KCNQ1: variants seen among roughly 807,000 people sequenced by gnomAD.
KCNQ1 encodes the protein potassium voltage-gated channel subfamily Q member 1.
In KCNQ1, 49 loss-of-function variants were observed where a neutral mutation model predicts 72.4. The ratio of observed to expected loss-of-function variants is 0.68; its 90% CI spans 0.54 to 0.86. KCNQ1 has a LOEUF of 0.86. Ranked by LOEUF, KCNQ1 falls within the 40% of genes least tolerant of loss-of-function variation. The probability of loss-of-function intolerance (pLI) is 0.00; values close to 1 mark genes in which losing one functional copy is unlikely to be tolerated. For synonymous variants in KCNQ1, 450 were observed against 412.6 expected (o/e 1.09, Z -1.10); for missense variants, 790 against 945.1 (o/e 0.84, Z 2.15).
chr11:2,796,966 C>A (rs1012594514), intron 15 of KCNQ1, among the ~76,000 whole-genome samples: 1 of 152,242 alleles, frequency 6.6e-6, no homozygotes, highest in Admixed American at 6.5e-5. Flanking sequence ...CCTAACCCCC[C>A]AAGGGCCAGA....
chr11:2,597,921 C>T (rs752930997), intron 10 of KCNQ1, among the ~76,000 whole-genome samples: 8 of 152,060 alleles, frequency 5.3e-5, no homozygotes, highest in Admixed American at 6.5e-5. Context: ...ATCATCTCTT[C>T]GTTTTTCTTT....
rs1386881470 is a variant in KCNQ1 at position 2,611,855 on chromosome 11, G to C, written c.1393+23001G>C. On this transcript the variant is annotated intron_variant, in intron 10 of 15. Transcript: ENST00000155840. The surrounding 1 kb of genome is among the most constrained non-coding windows in gnomAD (Gnocchi z 5.3). ...TCTAGAGTACCATTCTAATTCCTTT[G>C]TTAGTTTATTTCCCCCATTTTTAAA... is the stretch of plus-strand genomic sequence containing the variant. The C allele has an allele frequency of 1.0e-5, 4 of 398,128 alleles. No individual in the cohort carries two copies. The highest frequency in any genetic ancestry group is 1.8e-5 in the Non-Finnish European group (4 of 225,966). 24.7% of individuals were successfully genotyped at this position (398,128 alleles called of 1,614,324 possible).
In KCNQ1 at chr11:2,543,527, G is replaced by T. The variant is rs1847858310; in HGVS notation, c.477+15509G>T. Among the ~76,000 whole-genome samples, 1 of 152,148 alleles carries T rather than the reference G, an allele frequency of 6.6e-6. No homozygotes were observed. The highest frequency in any genetic ancestry group is 1.5e-5 in the Non-Finnish European group (1 of 68,030). On this transcript the variant is annotated intron_variant, in intron 2 of 15. Coordinates refer to ENST00000155840, the MANE Select transcript of KCNQ1 (RefSeq NM_000218.3). The surrounding 1 kb of genome is among the most constrained non-coding windows in gnomAD (Gnocchi z 5.6). The stretch of plus-strand genomic sequence containing the variant: ...GGCCTCAAGCGATCCCCTTGCCTCG[G>T]CCTCCCAAAGCGCTGGAATTACAGG...
intron 11 of KCNQ1, among the ~76,000 whole-genome samples, chr11:2,757,758 G>A (rs187162028): frequency 8.5e-4 from 129 of 152,298 alleles, no homozygotes; most frequent in Admixed American, 2.3e-3. Flanking sequence ...ATAGACACAC[G>A]CAAACATGCC....
At position 2,764,294 on chromosome 11, in the gene KCNQ1, C is replaced by A. The variant is rs953379724; in HGVS notation, c.1515-4550C>A. Among the ~76,000 whole-genome samples, 4 of 151,804 alleles carry A rather than the reference C, an allele frequency of 2.6e-5. No homozygotes were observed. Among genetic ancestry groups the A allele is most frequent in the Admixed American group, 6.6e-5 (1 of 15,238 alleles). On this transcript the variant is annotated intron_variant, in intron 11 of 15. Transcript: ENST00000155840. This position sits in a 1 kb window ranked among gnomAD's most constrained non-coding sequence, Gnocchi z 4.8. The stretch of plus-strand genomic sequence containing the variant: ...TCTCGCTTTATCAAATGCTTTCTTA[C>A]AATCTGTTGTGTTGATTGTATTTTT...
chr11:2,499,526 G>A (rs4930116), intron 1 of KCNQ1, among the ~76,000 whole-genome samples: 7 of 57,324 alleles, frequency 1.2e-4, no homozygotes, highest in African/African-American at 2.7e-4. Flanking sequence ...ATGGACCCCT[G>A]CCCCCACAAA....
intron 9 of KCNQ1, 101 bp downstream of exon 9, chr11:2,587,793 T>C: frequency 6.6e-7 from 1 of 1,514,356 alleles, no homozygotes; most frequent in South Asian, 1.1e-5. Flanking sequence ...TGCATTTGGC[T>C]TGGTACAGCC....
rs1850328336 is a variant in KCNQ1 at position 2,678,316 on chromosome 11, A to G, written c.1514+16235A>G. On this transcript the variant is annotated intron_variant, in intron 11 of 15. Coordinates refer to ENST00000155840, the MANE Select transcript of KCNQ1 (RefSeq NM_000218.3). The surrounding 1 kb of genome is among the most constrained non-coding windows in gnomAD (Gnocchi z 4.9). ...TCCATGTTTTCTTCTATCATTTTTT[A>G]TTTCATTTTTTACATTTAAATCCTT... The G allele has an allele frequency of 2.5e-6, 1 of 398,150 alleles. No homozygotes were observed. The highest frequency in any genetic ancestry group is 4.4e-6 in the Non-Finnish European group (1 of 225,962). 24.7% of individuals were successfully genotyped at this position (398,150 alleles called of 1,614,324 possible).
intron 10 of KCNQ1, among the ~76,000 whole-genome samples, chr11:2,605,495 T>A (rs1325559109): frequency 6.6e-6 from 1 of 152,224 alleles, no homozygotes; most frequent in Admixed American, 6.5e-5. Flanking sequence ...CCAATTGATT[T>A]TTCTCATGTG....
intron 1 of KCNQ1, among the ~76,000 whole-genome samples, chr11:2,466,197 G>A (rs1252905983): frequency 2.6e-5 from 4 of 152,208 alleles, no homozygotes; most frequent in African/African-American, 9.6e-5. Context: ...GATGCAGGCA[G>A]GCTGTGGCCC....
At chr11:2,686,532 C>T (rs891909749) in intron 11 of KCNQ1, 1 of 398,696 alleles carries the variant, frequency 2.5e-6, no homozygotes, top group Non-Finnish European at 4.4e-6. Flanking sequence ...GAAATGACAG[C>T]TCCCAGCCCT....
chr11:2,731,013 C>T (rs1404971502), intron 11 of KCNQ1, among the ~76,000 whole-genome samples: 1 of 152,216 alleles, frequency 6.6e-6, no homozygotes, highest in Non-Finnish European at 1.5e-5. Flanking sequence ...AAAGGAAGGC[C>T]CTTGTTGCCC....
chr11:2,632,966 A>T (rs1589993341), intron 10 of KCNQ1: 1 of 398,462 alleles, frequency 2.5e-6, no homozygotes, highest in Non-Finnish European at 4.4e-6. Context: ...ATGATAGTCT[A>T]CTTTTAGTTT....
rs904447928 is a variant in KCNQ1, at chr11:2,748,074, A to G, written c.1515-20770A>G. Among the ~76,000 whole-genome samples, 1 of 151,832 alleles carries G rather than the reference A, an allele frequency of 6.6e-6. No individual in the cohort carries two copies. Among genetic ancestry groups the G allele is most frequent in the African/African-American group, 2.4e-5 (1 of 41,314 alleles). ...TTTCAGAAAACCATGGCTCACCCAC[A>G]CTCTACCCTAGGAAAGGGCAGGTTC... On this transcript the variant is annotated intron_variant, in intron 11 of 15. Transcript: ENST00000155840. This position sits in a 1 kb window ranked among gnomAD's most constrained non-coding sequence, Gnocchi z 6.2.
At chr11:2,501,953 C>T (rs2133645175) in intron 1 of KCNQ1, among the ~76,000 whole-genome samples, 1 of 152,268 alleles carries the variant, frequency 6.6e-6, no homozygotes, top group South Asian at 2.1e-4. Context: ...ACCACATGAG[C>T]ATTTCAATTG....
rs1847506117 is a variant in KCNQ1 at position 2,526,382 on chromosome 11, G to C, written c.387-1546G>C. Among the ~76,000 whole-genome samples the C allele has an allele frequency of 2.0e-5, 3 of 152,188 alleles. No homozygotes were observed. ...GGGTGTCGGTGAGGCAGGTGGCTGA[G>C]GAAATGGTAGCTGCAGGTTTTGGCC... On this transcript the variant is annotated intron_variant, in intron 1 of 15. Coordinates refer to ENST00000155840, the MANE Select transcript of KCNQ1 (RefSeq NM_000218.3). The surrounding 1 kb of genome is among the most constrained non-coding windows in gnomAD (Gnocchi z 6.1).
chr11:2,733,806 A>T (rs1362469609), intron 11 of KCNQ1, among the ~76,000 whole-genome samples: 1,695 of 63,070 alleles, frequency 0.027, 162 homozygotes, highest in African/African-American at 0.12. Context: ...ACACACACAC[A>T]CACACACACT....
intron 1 of KCNQ1, among the ~76,000 whole-genome samples, chr11:2,523,495 C>T (rs1467686151): frequency 1.3e-5 from 2 of 152,204 alleles, no homozygotes; most frequent in Admixed American, 6.5e-5. Context: ...CCGCCGCGCC[C>T]GGCCCCACCA....
chr11:2,527,877 T>C lies in KCNQ1; in HGVS notation c.387-51T>C, dbSNP rs192393524. On this transcript the variant is annotated intron_variant, in intron 1 of 15. Transcript: ENST00000155840. ...GGCCCCTCCACTCCCCAGGTGCATC[T>C]GTGGGATGGGCAGAGGCCGTGATGC... 3.3e-3 allele frequency: 5,121 copies of C among 1,533,534 alleles called. 182 individuals carry two copies. Among genetic ancestry groups the C allele is most frequent in the Non-Finnish European group, 5.7e-4 (628 of 1,107,272 alleles). The allele number at this position is 1,533,534 out of a possible 1,614,324, so 95.0% of individuals were successfully genotyped here.
Sources: gnomAD v4.1 joint callset for allele counts (sites outside exome capture counted in the v4.1 genomes callset) on GRCh38, gnomAD v4.1.1 for gene constraint, Gnocchi (gnomAD v3.1) non-coding constraint, MANE v1.5 for transcripts, NCBI Gene and HGNC (gene_info 2026-07-23, HGNC 2026-07-21) for gene names.